EPB41L2: variants seen among roughly 807,000 people sequenced by gnomAD.
EPB41L2 encodes erythrocyte membrane protein band 4.1 like 2.
A neutral mutation model predicts 113.0 loss-of-function variants in EPB41L2; 43 were observed. That is an observed-to-expected ratio of 0.38 (90% CI 0.30 to 0.49). The LOEUF (loss-of-function observed/expected upper bound fraction) is 0.49, where lower values mean the gene tolerates loss of function less well. Among genes scored for constraint, EPB41L2 ranks in the 20% least tolerant of loss-of-function variants. EPB41L2 has a pLI of 0.95. For synonymous variants in EPB41L2, 442 were observed against 436.7 expected, an observed-to-expected ratio of 1.01 and a Z score of -0.15; for missense variants, 1,147 against 1,223.4, an observed-to-expected ratio of 0.94 and a Z score of 0.93.
intron 1 of EPB41L2, among the ~76,000 whole-genome samples, chr6:131,051,932 AT>A (rs1260748306): frequency 8.7e-6 from 1 of 114,650 alleles, no homozygotes; most frequent in Admixed American, 9.6e-5. Context: ...TGCTGTGTTG[AT>A]TTTTTTTTTC....
chr6:130,926,664 G>A lies in EPB41L2; in HGVS notation c.751C>T (p.Leu251Phe). Reference protein sequence around the residue: ...QVLFDKVCEHLNLLEKDYFGL... With the variant: ...QVLFDKVCEHFNLLEKDYFGL... ...AAGTAGTCTTTCTCCAAGAGATTGA[G>A]GTGTTCACACACTTTGTCAAATAAC... Residue 251 changes from leucine (L) to phenylalanine (F), a missense_variant, in exon 4 of 20, where the codon CTC (leucine) becomes TTC (phenylalanine). Leu to Phe is a conservative substitution (Grantham distance 22). Transcript: ENST00000337057. 3.1e-6 allele frequency: 5 copies of A among 1,610,080 alleles called. No homozygotes were observed. The highest frequency in any genetic ancestry group is 2.2e-5 in the South Asian group (2 of 89,410).
At chr6:131,041,902 T>C (rs777119851) in intron 1 of EPB41L2, among the ~76,000 whole-genome samples, 11 of 152,182 alleles carry the variant, frequency 7.2e-5, no homozygotes, top group East Asian at 1.9e-4. Flanking sequence ...CATTGAATAT[T>C]TGATAATTTA....
chr6:130,913,710 A>C (rs1200337011), intron 4 of EPB41L2, among the ~76,000 whole-genome samples: 4 of 152,176 alleles, frequency 2.6e-5, no homozygotes, highest in African/African-American at 4.8e-5. Context: ...TAAATTCCTA[A>C]GTAAAAAAAA....
chr6:130,898,713 ATGTATG>A (rs1433745851), intron 8 of EPB41L2, among the ~76,000 whole-genome samples: 3 of 152,144 alleles, frequency 2.0e-5, no homozygotes, highest in Non-Finnish European at 4.4e-5. Context: ...TGCAAAAAAA[ATGTATG>A]TTACTACTGC....
At chr6:131,006,910 C>T (rs1785703391) in intron 1 of EPB41L2, among the ~76,000 whole-genome samples, 4 of 152,130 alleles carry the variant, frequency 2.6e-5, no homozygotes, top group Admixed American at 2.6e-4. Flanking sequence ...CCCAGTGCCC[C>T]AGTCTTCACT....
At chr6:130,973,175 T>C (rs1777336573) in intron 1 of EPB41L2, among the ~76,000 whole-genome samples, 1 of 152,166 alleles carries the variant, frequency 6.6e-6, no homozygotes. Context: ...ACTTCTCTTC[T>C]TCACTTTTTC....
At chr6:130,993,726 G>A (rs1292935776) in intron 1 of EPB41L2, among the ~76,000 whole-genome samples, 2 of 152,166 alleles carry the variant, frequency 1.3e-5, no homozygotes, top group African/African-American at 4.8e-5. Flanking sequence ...GCGTGAGGAG[G>A]GAGGAGTTAT....
chr6:130,927,467 C>T (rs552887937), intron 3 of EPB41L2, among the ~76,000 whole-genome samples: 197 of 152,236 alleles, frequency 1.3e-3, no homozygotes, highest in Non-Finnish European at 1.8e-3. Context: ...AATTAAGATG[C>T]ACACCCCTGG....
intron 19 of EPB41L2, among the ~76,000 whole-genome samples, chr6:130,851,236 C>T (rs557545165): frequency 1.1e-4 from 17 of 152,218 alleles, no homozygotes; most frequent in Admixed American, 3.9e-4. Context: ...TCATGATTAG[C>T]TAGAGCTCAG....
intron 1 of EPB41L2, among the ~76,000 whole-genome samples, chr6:130,973,602 C>G (rs1319373988): frequency 6.6e-6 from 1 of 152,100 alleles, no homozygotes; most frequent in East Asian, 1.9e-4. Context: ...TTAGGGCAAA[C>G]CTGCCTCCTT....
chr6:130,894,987 T>G lies in EPB41L2; in HGVS notation c.1369A>C (p.Ile457Leu), dbSNP rs762331216. Residue 457 changes from isoleucine to leucine, a missense_variant, in exon 9 of 20, where the codon ATT becomes CTT. Physicochemically the swap from Ile to Leu is conservative, Grantham distance 5. Coordinates refer to ENST00000337057, the MANE Select transcript of EPB41L2 (RefSeq NM_001431.4). Reference protein sequence around the residue: ...KISYKRSNFYIKVRPAELEQF... With the variant: ...KISYKRSNFYLKVRPAELEQF... ...CTTACCTCTGCCGGTCTGACTTTAA[T>G]GTAGAAGTTACTGCGTTTATAGGAA... The G allele has an allele frequency of 2.5e-6, 4 of 1,613,732 alleles. No individual in the cohort carries two copies. In the Admixed American group the frequency reaches 6.7e-5, roughly 27 times the overall value.
chr6:130,871,070 T>A (rs948379171), intron 14 of EPB41L2, among the ~76,000 whole-genome samples: 1 of 152,146 alleles, frequency 6.6e-6, no homozygotes, highest in Non-Finnish European at 1.5e-5. Context: ...TTCACTCCTA[T>A]CCCCTTCAGA....
At chr6:130,865,720 T>A (rs1783540248) in intron 16 of EPB41L2, 86 bp from the exon 17 acceptor site, 1 of 1,322,754 alleles carries the variant, frequency 7.6e-7, no homozygotes, top group African/African-American at 1.5e-5. Context: ...CGAATATGCA[T>A]CTTTTAAAAT....
At chr6:130,996,671 C>T (rs1029217459) in intron 1 of EPB41L2, among the ~76,000 whole-genome samples, 1 of 152,164 alleles carries the variant, frequency 6.6e-6, no homozygotes, top group African/African-American at 2.4e-5. Context: ...TGTGGCAATG[C>T]ATCACCCTAT....
chr6:130,850,964 T>C (rs1778610048), intron 19 of EPB41L2, among the ~76,000 whole-genome samples: 1 of 152,148 alleles, frequency 6.6e-6, no homozygotes, highest in Admixed American at 6.5e-5. Flanking sequence ...TGCCTAAAAC[T>C]CACTAAACCA....
intron 4 of EPB41L2, among the ~76,000 whole-genome samples, chr6:130,917,854 G>A (rs1261122032): frequency 6.6e-6 from 1 of 152,032 alleles, no homozygotes; most frequent in South Asian, 2.1e-4. Context: ...CAAATGCCTC[G>A]CCATGCCTTC....
chr6:131,011,014 A>C (rs879924774), intron 1 of EPB41L2, among the ~76,000 whole-genome samples: 1 of 152,150 alleles, frequency 6.6e-6, no homozygotes, highest in Non-Finnish European at 1.5e-5. Flanking sequence ...CAGCCTACAG[A>C]CCATTTTCCC....
At chr6:130,956,578 G>A in intron 1 of EPB41L2, 79 bp from the exon 2 acceptor site, 5 of 1,274,922 alleles carry the variant, frequency 3.9e-6, no homozygotes, top group Non-Finnish European at 5.3e-6. Context: ...GGCATGGTAA[G>A]GAAAGATGAG....
chr6:131,025,064 C>T (rs1790543575), intron 1 of EPB41L2, among the ~76,000 whole-genome samples: 1 of 151,776 alleles, frequency 6.6e-6, no homozygotes, highest in Non-Finnish European at 1.5e-5. Flanking sequence ...TTTTTTTAAG[C>T]CTATGCTTTT....
Sources: allele counts gnomAD v4.1 joint callset (sites outside exome capture counted in the v4.1 genomes callset), GRCh38; gene constraint gnomAD v4.1.1; transcripts MANE v1.5; gene names NCBI Gene and HGNC (gene_info 2026-07-23, HGNC 2026-07-21).